Variants in COL11A1 observed in about 807,000 individuals in gnomAD.
The protein encoded by COL11A1 is collagen alpha-1(XI) chain.
COL11A1 carries 74 observed loss-of-function variants against 265.2 expected under a neutral mutation model. That is an observed-to-expected ratio of 0.28 (90% CI 0.23 to 0.34). COL11A1 has a LOEUF of 0.34. COL11A1 is among the 10% of genes least tolerant of loss of function. The probability of loss-of-function intolerance (pLI) is 1.00; values close to 1 mark genes in which losing one functional copy is unlikely to be tolerated. For synonymous variants in COL11A1, 816 were observed against 727.6 expected, an observed-to-expected ratio of 1.12 and a Z score of -1.96; for missense variants, 2,165 against 2,263.6, an observed-to-expected ratio of 0.96 and a Z score of 0.88.
intron 5 of COL11A1, among the ~76,000 whole-genome samples, chr1:103,029,177 T>C (rs1013808785): frequency 4.6e-5 from 7 of 152,044 alleles, no homozygotes; most frequent in Non-Finnish European, 1.5e-5. Flanking sequence ...GAAAAAAGCA[T>C]ATCGGTTGAC....
chr1:103,080,727 A>T (rs1672343299), intron 2 of COL11A1, among the ~76,000 whole-genome samples: 1 of 151,922 alleles, frequency 6.6e-6, no homozygotes, highest in African/African-American at 2.4e-5. Flanking sequence ...TGAAAATGTA[A>T]ATTAATACAG....
In COL11A1 at chr1:102,886,502, T is replaced by A. The variant is rs574094261; in HGVS notation, c.4858+305A>T. Among the ~76,000 whole-genome samples, 7 of 150,748 alleles carry A rather than the reference T, an allele frequency of 4.6e-5. No homozygotes were observed. The East Asian group carries it at 1.4e-3, about 29-fold the overall frequency. On this transcript the variant is annotated intron_variant, in intron 63 of 66. Transcript: ENST00000370096. The stretch of plus-strand genomic sequence containing the variant: ...TAGTAATCATATTACAATATACACA[T>A]GTGTGTATACACAGTATCCATTCTG...
At chr1:103,068,337 A>C (rs913559260) in intron 4 of COL11A1, among the ~76,000 whole-genome samples, 2 of 151,472 alleles carry the variant, frequency 1.3e-5, no homozygotes, top group African/African-American at 4.8e-5. Context: ...TACTAACAGG[A>C]AAAAAAACCC....
Position 102,983,844 on chromosome 1 carries a change from TC to T in COL11A1, c.2556+293del, listed in dbSNP as rs76843235. ...ATCAAAAGCCGTTATGCATCAAATG[TC>T]TTCCATGTTAAAACTTCCAGATATA... On this transcript the variant is annotated intron_variant, in intron 31 of 66. Transcript: ENST00000370096. 0.16 allele frequency among the ~76,000 whole-genome samples: 24,427 copies of T among 152,040 alleles called. 2,016 individuals carry two copies. The highest frequency in any genetic ancestry group is 0.19 in the Middle Eastern group (55 of 294).
intron 63 of COL11A1, 140 bp from the exon 64 acceptor site, chr1:102,883,451 T>C: frequency 3.0e-6 from 2 of 670,142 alleles, no homozygotes; most frequent in Admixed American, 2.2e-5. Flanking sequence ...TTTGGGCATA[T>C]TGGGGTACGG....
chr1:103,048,724 T>C (rs1305392516), intron 4 of COL11A1, among the ~76,000 whole-genome samples: 1 of 152,216 alleles, frequency 6.6e-6, no homozygotes, highest in Admixed American at 6.5e-5. Context: ...CTGCTTTCTC[T>C]TGTGGGCTTT....
intron 4 of COL11A1, among the ~76,000 whole-genome samples, chr1:103,073,782 G>T (rs896561823): frequency 6.6e-6 from 1 of 151,882 alleles, no homozygotes; most frequent in African/African-American, 2.4e-5. Flanking sequence ...CATACTGTCT[G>T]TATGTTTGTA....
intron 66 of COL11A1, among the ~76,000 whole-genome samples, chr1:102,879,042 T>G (rs1649905380): frequency 6.6e-6 from 1 of 152,086 alleles, no homozygotes; most frequent in Non-Finnish European, 1.5e-5. Flanking sequence ...TCATTCTACT[T>G]GCACTCCACT....
chr1:102,973,153 G>A (rs754171637), intron 36 of COL11A1, among the ~76,000 whole-genome samples: 1 of 151,996 alleles, frequency 6.6e-6, no homozygotes, highest in East Asian at 1.9e-4. Context: ...CTAGAGAAAT[G>A]GGGTATTTTT....
chr1:103,027,562 T>G lies in COL11A1; in HGVS notation c.781-1230A>C, dbSNP rs372961949. Among the ~76,000 whole-genome samples the G allele has an allele frequency of 2.6e-4, 40 of 151,268 alleles. No individual in the cohort carries two copies. In the East Asian group the frequency reaches 7.6e-3, roughly 29 times the overall value. On this transcript the variant is annotated intron_variant, in intron 5 of 66. Transcript: ENST00000370096. ...GGCAATCTACACATAATTCCTTAAGTAGTGTATTTGATACGATTCCAATTA... is the reference window on the plus strand; with the variant it reads ...GGCAATCTACACATAATTCCTTAAGGAGTGTATTTGATACGATTCCAATTA...
chr1:102,940,503 C>T, intron 42 of COL11A1, 69 bp from the exon 43 acceptor site: 1 of 1,120,342 alleles, frequency 8.9e-7, no homozygotes, highest in Admixed American at 2.0e-5. Context: ...AATAATCTAG[C>T]TTCTATATTT....
intron 4 of COL11A1, among the ~76,000 whole-genome samples, chr1:103,049,822 T>G (rs1195473127): frequency 6.6e-6 from 1 of 152,190 alleles, no homozygotes; most frequent in African/African-American, 2.4e-5. Context: ...CAGCATTTGC[T>G]TGTCTGTAAA....
chr1:102,904,818 A>C (rs1331055178), intron 54 of COL11A1, among the ~76,000 whole-genome samples: 1 of 151,978 alleles, frequency 6.6e-6, no homozygotes, highest in African/African-American at 2.4e-5. Flanking sequence ...TCGGTGTGGC[A>C]ATTCCTCAGG....
At chr1:102,920,479 C>T (rs1178660619) in intron 48 of COL11A1, 115 bp from the exon 49 acceptor site, 1 of 873,518 alleles carries the variant, frequency 1.1e-6, no homozygotes, top group Non-Finnish European at 1.9e-6. Flanking sequence ...TATTCTTAGT[C>T]ATTTAAAGAA....
intron 1 of COL11A1, among the ~76,000 whole-genome samples, chr1:103,092,138 C>A (rs1356731816): frequency 6.6e-6 from 1 of 151,952 alleles, no homozygotes; most frequent in Non-Finnish European, 1.5e-5. Context: ...TATCAGCATC[C>A]CATTGTTGCC....
At chr1:103,025,673 A>G in intron 6 of COL11A1, 60 bp from the exon 7 acceptor site, 1 of 1,574,622 alleles carries the variant, frequency 6.4e-7, no homozygotes, top group Non-Finnish European at 8.7e-7. Context: ...ATGTATGGAA[A>G]TCATGATTTA....
intron 54 of COL11A1, among the ~76,000 whole-genome samples, chr1:102,911,342 T>C (rs532133837): frequency 6.6e-6 from 1 of 152,236 alleles, no homozygotes; most frequent in South Asian, 2.1e-4. Flanking sequence ...GGATATTCAG[T>C]GTGAAAAATA....
chr1:103,099,432 A>T (rs1270048267), intron 1 of COL11A1, among the ~76,000 whole-genome samples: 2 of 150,164 alleles, frequency 1.3e-5, no homozygotes, highest in African/African-American at 4.9e-5. Flanking sequence ...ACACATGCAC[A>T]TGTACCCACA....
chr1:102,882,540 C>T (rs1216688849), intron 64 of COL11A1, among the ~76,000 whole-genome samples: 1 of 152,062 alleles, frequency 6.6e-6, no homozygotes, highest in African/African-American at 2.4e-5. Context: ...ACTTGTTTTG[C>T]CTTAAGGAGT....
Sources: allele counts gnomAD v4.1 joint callset (sites outside exome capture counted in the v4.1 genomes callset), GRCh38; gene constraint gnomAD v4.1.1; transcripts MANE v1.5; gene names NCBI Gene and HGNC (gene_info 2026-07-23, HGNC 2026-07-21).